Variants in EGFR observed in about 807,000 individuals in gnomAD.
EGFR encodes the protein epidermal growth factor receptor.
A neutral mutation model predicts 143.0 loss-of-function variants in EGFR; 58 were observed. That is an observed-to-expected ratio of 0.41 (90% CI 0.33 to 0.50). The LOEUF (loss-of-function observed/expected upper bound fraction) is 0.50. Among genes scored for constraint, EGFR ranks in the 20% least tolerant of loss-of-function variants. The probability of loss-of-function intolerance (pLI) is 0.39; values close to 1 mark genes in which losing one functional copy is unlikely to be tolerated. For missense variants in EGFR, 1,307 were observed against 1,579.0 expected (o/e 0.83, Z 2.92); for synonymous variants, 613 against 594.4 (o/e 1.03, Z -0.45).
At chr7:55,065,367 A>G (rs944098812) in intron 1 of EGFR, among the ~76,000 whole-genome samples, 1 of 152,242 alleles carries the variant, frequency 6.6e-6, no homozygotes, top group Non-Finnish European at 1.5e-5. Flanking sequence ...GGGTGAGTCT[A>G]AAGGGTTAAT....
chr7:55,154,689 C>T (rs1465334769), intron 7 of EGFR, among the ~76,000 whole-genome samples: 1 of 152,050 alleles, frequency 6.6e-6, no homozygotes, highest in Non-Finnish European at 1.5e-5. Context: ...TTGAGTTTTG[C>T]TTGTTTGTAC....
At chr7:55,151,852 C>T (rs753562460) in intron 5 of EGFR, among the ~76,000 whole-genome samples, 10 of 151,760 alleles carry the variant, frequency 6.6e-5, no homozygotes, top group Non-Finnish European at 1.2e-4. Context: ...CCAGCCTGGG[C>T]GACAGAGCGA....
chr7:55,104,101 C>T (rs1791981440), intron 1 of EGFR, among the ~76,000 whole-genome samples: 1 of 152,186 alleles, frequency 6.6e-6, no homozygotes, highest in Admixed American at 6.5e-5. Context: ...CAGTGTTGGG[C>T]AGCACTGAGT....
intron 1 of EGFR, among the ~76,000 whole-genome samples, chr7:55,122,446 T>C (rs1793265787): frequency 6.6e-6 from 1 of 152,238 alleles, no homozygotes; most frequent in African/African-American, 2.4e-5. Context: ...ACAGCCACGC[T>C]GTGTGCTGCT....
intron 1 of EGFR, among the ~76,000 whole-genome samples, chr7:55,093,546 G>A (rs997121560): frequency 2.6e-5 from 4 of 152,212 alleles, no homozygotes; most frequent in Non-Finnish European, 4.4e-5. Flanking sequence ...ACCTTCTCCC[G>A]ACCGTGATGC....
intron 1 of EGFR, chr7:55,119,506 G>A (rs1584088509): frequency 6.6e-6 from 1 of 152,342 alleles, no homozygotes; most frequent in Admixed American, 6.5e-5. Flanking sequence ...TGGGAAGAGA[G>A]TCTCACTGTG....
At chr7:55,085,244 G>C (rs1790687980) in intron 1 of EGFR, among the ~76,000 whole-genome samples, 1 of 152,236 alleles carries the variant, frequency 6.6e-6, no homozygotes, top group South Asian at 2.1e-4. Flanking sequence ...ATTGTCAGTG[G>C]TATCATGCCT....
intron 21 of EGFR, 95 bp downstream of exon 21, chr7:55,191,969 G>T: frequency 6.4e-7 from 1 of 1,569,260 alleles, no homozygotes; most frequent in South Asian, 1.1e-5. Flanking sequence ...TGCAGGGGAG[G>T]ATGCTCTCCA....
At chr7:55,139,500 CT>C (rs1312092872) in intron 1 of EGFR, among the ~76,000 whole-genome samples, 1 of 152,146 alleles carries the variant, frequency 6.6e-6, no homozygotes, top group Admixed American at 6.5e-5. Flanking sequence ...CAGTTAAATG[CT>C]GCTGTCTCCT....
At chr7:55,200,463 A>G in intron 24 of EGFR, 50 bp downstream of exon 24, 6 of 1,550,116 alleles carry the variant, frequency 3.9e-6, no homozygotes, top group Non-Finnish European at 5.3e-6. Flanking sequence ...TCTAATGAGC[A>G]TCTCATGTCA....
At chr7:55,129,819 C>T (rs1793732483) in intron 1 of EGFR, among the ~76,000 whole-genome samples, 1 of 152,316 alleles carries the variant, frequency 6.6e-6, no homozygotes, top group East Asian at 1.9e-4. Context: ...TCACTCCAAC[C>T]AGGTCTGTCT....
At chr7:55,122,671 C>T (rs1241942784) in intron 1 of EGFR, among the ~76,000 whole-genome samples, 1 of 152,250 alleles carries the variant, frequency 6.6e-6, no homozygotes, top group Non-Finnish European at 1.5e-5. Flanking sequence ...TCTCCTCTGC[C>T]TACCTCCAAG....
intron 1 of EGFR, among the ~76,000 whole-genome samples, chr7:55,029,459 T>C (rs1433711928): frequency 6.6e-6 from 1 of 152,182 alleles, no homozygotes; most frequent in Non-Finnish European, 1.5e-5. Context: ...TCGCTCCTTC[T>C]TTTTTACAAG....
In EGFR at chr7:55,056,235, G is replaced by T. The variant is rs545056950; in HGVS notation, c.88+36870G>T. On this transcript the variant is annotated intron_variant, in intron 1 of 27. Coordinates refer to ENST00000275493, the MANE Select transcript of EGFR (RefSeq NM_005228.5). ...GTATTTCTGGAATTGAAGTAAAATG[G>T]ATAGTGAGCCTCTGTGTATGTGAAG... 1.7e-4 allele frequency among the ~76,000 whole-genome samples: 26 copies of T among 152,292 alleles called. No individual in the cohort carries two copies. In the South Asian group the frequency reaches 5.2e-3, roughly 30 times the overall value.
intron 27 of EGFR, among the ~76,000 whole-genome samples, chr7:55,204,252 TACACACCACAC>T (rs1250782182): frequency 5.3e-5 from 6 of 112,996 alleles, no homozygotes; most frequent in Middle Eastern, 7.5e-3. Flanking sequence ...CACACACACA[TACACACCACAC>T]ACACACCACA....
rs1362087545 is a variant in EGFR, at chr7:55,154,230, C to T, written c.889+78C>T. On this transcript the variant is annotated intron_variant, in intron 7 of 27. Transcript: ENST00000275493. Reference sequence around the variant, plus strand: ...TGTCTCCTGCTGAGCCCTGGAGTATCCCATCTTGGAGAGTCTTTGGGTGGA... The same window carrying T: ...TGTCTCCTGCTGAGCCCTGGAGTATTCCATCTTGGAGAGTCTTTGGGTGGA... 4 of 1,604,176 alleles carry T rather than the reference C, an allele frequency of 2.5e-6. No individual in the cohort carries two copies. In the East Asian group the frequency reaches 9.0e-5, roughly 36 times the overall value.
chr7:55,183,830 G>A (rs1416799941), intron 20 of EGFR, among the ~76,000 whole-genome samples: 2 of 152,212 alleles, frequency 1.3e-5, no homozygotes, highest in Non-Finnish European at 2.9e-5. Flanking sequence ...CCCTGCATGT[G>A]GGAGCTGCCC....
intron 1 of EGFR, among the ~76,000 whole-genome samples, chr7:55,083,451 C>A (rs1241209464): frequency 2.6e-5 from 4 of 152,216 alleles, no homozygotes; most frequent in Admixed American, 2.6e-4. Context: ...AGACGCCTGA[C>A]GTCAGTGGTC....
At chr7:55,117,374 G>A in intron 1 of EGFR, among the ~76,000 whole-genome samples, 1 of 152,182 alleles carries the variant, frequency 6.6e-6, no homozygotes, top group South Asian at 2.1e-4. Flanking sequence ...ACAAGGAGGG[G>A]CATTTCCCGG....
Sources: gnomAD v4.1 joint callset for allele counts (sites outside exome capture counted in the v4.1 genomes callset) on GRCh38, gnomAD v4.1.1 for gene constraint, MANE v1.5 for transcripts, NCBI Gene and HGNC (gene_info 2026-07-23, HGNC 2026-07-21) for gene names.